The following MFAP3L variants were observed in gnomAD, a reference collection of about 807,000 sequenced individuals.
MFAP3L encodes the protein microfibrillar-associated protein 3-like.
In MFAP3L, 5 loss-of-function variants were observed where a neutral mutation model predicts 20.0. The observed-to-expected ratio is 0.25, with a 90% CI of 0.13 to 0.53. The LOEUF (loss-of-function observed/expected upper bound fraction) is 0.53. MFAP3L is among the 20% of genes least tolerant of loss of function. The pLI is 0.96. For synonymous variants in MFAP3L, 219 were observed against 213.0 expected (o/e 1.03, Z -0.25); for missense variants, 409 against 527.5 (o/e 0.78, Z 2.20).
chr4:169,991,753 C>T lies in MFAP3L; in HGVS notation c.855G>A (p.Glu285=). The T allele has an allele frequency of 6.2e-7, 1 of 1,614,082 alleles. No individual in the cohort carries two copies. The highest frequency in any genetic ancestry group is 1.3e-5 in the African/African-American group (1 of 74,992). The change falls in exon 3 of 3, where the codon GAG becomes GAA. Residue 285 remains glutamate (E), a synonymous_variant. Transcript: ENST00000361618. This position sits in a 1 kb window ranked among gnomAD's most constrained non-coding sequence, Gnocchi z 4.9. ...TCAGAGAGTTGGGGATTGTGTAGACCTCATCCCTGTCTGCGGCCTCCTGGC... is the reference window on the plus strand; with the variant it reads ...TCAGAGAGTTGGGGATTGTGTAGACTTCATCCCTGTCTGCGGCCTCCTGGC... ...PEGQEAADRD[E]VYTIPNSLKR...
chr4:170,018,704 T>A (rs1739848090), intron 1 of MFAP3L, among the ~76,000 whole-genome samples: 1 of 152,200 alleles, frequency 6.6e-6, no homozygotes, highest in Non-Finnish European at 1.5e-5. Context: ...AAAAACAGGT[T>A]ACCTTTGAGA....
intron 2 of MFAP3L, among the ~76,000 whole-genome samples, chr4:169,997,473 A>G (rs1487134123): frequency 2.6e-5 from 4 of 152,276 alleles, no homozygotes; most frequent in Non-Finnish European, 5.9e-5. Flanking sequence ...CAAGCAAGTC[A>G]AGACAAACCC....
intron 2 of MFAP3L, among the ~76,000 whole-genome samples, chr4:170,001,597 A>G (rs1738622139): frequency 6.6e-6 from 1 of 152,240 alleles, no homozygotes; most frequent in Non-Finnish European, 1.5e-5. Context: ...AGTCACAGTA[A>G]GAAGCAACAG....
chr4:170,005,299 A>G (rs1738955366), intron 2 of MFAP3L: 2 of 442,252 alleles, frequency 4.5e-6, no homozygotes, highest in Non-Finnish European at 7.9e-6. Flanking sequence ...TCCATTTTAC[A>G]TTTGTCTCTA....
chr4:170,010,891 A>T (rs1739338403), intron 1 of MFAP3L, among the ~76,000 whole-genome samples: 1 of 152,176 alleles, frequency 6.6e-6, no homozygotes, highest in African/African-American at 2.4e-5. Flanking sequence ...TCTGAATATA[A>T]ACTATGGTGA....
upstream of MFAP3L, chr4:170,026,773 C>CACA (rs1730470417): frequency 5.3e-5 from 8 of 152,288 alleles, no homozygotes; most frequent in African/African-American, 7.2e-5. Flanking sequence ...GCATCGCACG[C>CACA]GTGTTCAAGG....
At position 169,990,292 on chromosome 4, in the gene MFAP3L, C is replaced by T. The variant is rs4692588; in HGVS notation, c.*1086G>A. The T allele has an allele frequency of 0.07, 10,659 of 152,322 alleles. 535 individuals carry two copies. The highest frequency in any genetic ancestry group is 0.11 in the Non-Finnish European group (7,340 of 68,036). 9.4% of individuals were successfully genotyped at this position (152,322 alleles called of 1,614,324 possible). On this transcript the variant is annotated 3_prime_UTR_variant, in exon 3 of 3. Coordinates refer to ENST00000361618, the MANE Select transcript of MFAP3L (RefSeq NM_021647.8). ...TGGCACAGTTCCCTTTGCTATTACC[C>T]TAACCTTTCGCTTTCCTCTTTAAGG...
chr4:169,997,257 C>T (rs1030021654), intron 2 of MFAP3L, among the ~76,000 whole-genome samples: 1 of 151,952 alleles, frequency 6.6e-6, no homozygotes, highest in Non-Finnish European at 1.5e-5. Flanking sequence ...TTTTTATAAC[C>T]TGGAAATAGG....
At chr4:169,994,060 G>C in intron 2 of MFAP3L, 8 of 582,710 alleles carry the variant, frequency 1.4e-5, no homozygotes, top group Non-Finnish European at 1.7e-5. Flanking sequence ...CTTATAATTT[G>C]CATGTCTTAT....
chr4:170,010,311 G>C (rs1739293977), intron 1 of MFAP3L, among the ~76,000 whole-genome samples: 1 of 152,174 alleles, frequency 6.6e-6, no homozygotes, highest in Admixed American at 6.5e-5. Context: ...TAAAAAAAAT[G>C]AGAACAAAAT....
chr4:170,025,926 G>C (rs1204635880), intron 1 of MFAP3L, among the ~76,000 whole-genome samples: 2 of 152,162 alleles, frequency 1.3e-5, no homozygotes, highest in Admixed American at 6.5e-5. Flanking sequence ...CGACACCTAG[G>C]AGGCTCGCCG....
At chr4:170,006,164 G>A (rs1164172883) in intron 1 of MFAP3L, among the ~76,000 whole-genome samples, 154 bp from the exon 2 acceptor site, 4 of 150,348 alleles carry the variant, frequency 2.7e-5, no homozygotes, top group African/African-American at 9.9e-5. Context: ...CCAGGCTAGA[G>A]TGCAGTGGGG....
At chr4:170,026,466 G>A, upstream of MFAP3L, 1 of 203,916 alleles carries the variant, frequency 4.9e-6, no homozygotes, top group Non-Finnish European at 8.6e-6. Context: ...AGTGCGGCTC[G>A]CCGGGCGGCG....
chr4:170,005,692 G>A lies in MFAP3L; in HGVS notation c.186C>T (p.Asn62=), dbSNP rs1242984393. 1 of 1,614,202 alleles carries A rather than the reference G, an allele frequency of 6.2e-7. No individual in the cohort carries two copies. Among genetic ancestry groups the A allele is most frequent in the Admixed American group, 1.7e-5 (1 of 60,028 alleles). ...RTDHIIVKEG[N]SALINCSVYG... ...AAACACTACAGTTAATCAAGGCACT[G>A]TTCCCTTCCTTGACTATGATATGGT... is the stretch of plus-strand genomic sequence containing the variant. Residue 62 remains asparagine, a synonymous_variant, in exon 2 of 3, where the codon AAC becomes AAT. Coordinates refer to ENST00000361618, the MANE Select transcript of MFAP3L (RefSeq NM_021647.8).
chr4:170,006,730 T>C (rs1465024367), intron 1 of MFAP3L: 1 of 152,216 alleles, frequency 6.6e-6, no homozygotes, highest in Non-Finnish European at 1.5e-5. Context: ...TGGTCACAGC[T>C]TGGGCTCTGC....
At chr4:170,010,511 C>T (rs1043103275) in intron 1 of MFAP3L, among the ~76,000 whole-genome samples, 1 of 152,094 alleles carries the variant, frequency 6.6e-6, no homozygotes, top group Non-Finnish European at 1.5e-5. Context: ...GCAAGACCAG[C>T]CCCTCCCCCT....
chr4:170,005,737 G>C lies in MFAP3L; in HGVS notation c.141C>G (p.Pro47=), dbSNP rs940538669. Residue 47 remains proline, a synonymous_variant, in exon 2 of 3, where the codon CCC becomes CCG. Coordinates refer to ENST00000361618, the MANE Select transcript of MFAP3L (RefSeq NM_021647.8). ...TATGGTCAGTTCTGGCAATGATTAC[G>C]GGCACAGAGCCCAAGACCACGTTAG... ...NGTNVVLGSV[P]VIIARTDHII... 6.2e-7 allele frequency: 1 copy of C among 1,614,196 alleles called. No individual in the cohort carries two copies. Among genetic ancestry groups the C allele is most frequent in the Non-Finnish European group, 8.5e-7 (1 of 1,180,028 alleles).
At chr4:169,999,795 T>C (rs1560973901) in intron 2 of MFAP3L, among the ~76,000 whole-genome samples, 1 of 152,218 alleles carries the variant, frequency 6.6e-6, no homozygotes, top group African/African-American at 2.4e-5. Flanking sequence ...ACTGCTTCTA[T>C]GGGATCTACT....
rs1042624597 is a variant in MFAP3L, at chr4:169,988,564, C to T, written c.*2814G>A. 6.6e-6 allele frequency: 1 copy of T among 152,168 alleles called. No individual in the cohort carries two copies. Among genetic ancestry groups the T allele is most frequent in the Non-Finnish European group, 1.5e-5 (1 of 68,024 alleles). 9.4% of individuals were successfully genotyped at this position (152,168 alleles called of 1,614,324 possible). A position where few individuals can be genotyped will look rare whatever the true frequency, so the allele number is the denominator to read the frequency against. ...GTATGCACACACGTTCAGTCACACTCGCATGAATTTCTATGAAGCTGAACA... is the reference window on the plus strand; with the variant it reads ...GTATGCACACACGTTCAGTCACACTTGCATGAATTTCTATGAAGCTGAACA... On this transcript the variant is annotated 3_prime_UTR_variant, in exon 3 of 3. Transcript: ENST00000361618.
Sources: allele counts gnomAD v4.1 joint callset (sites outside exome capture counted in the v4.1 genomes callset), GRCh38; gene constraint gnomAD v4.1.1; non-coding constraint Gnocchi (gnomAD v3.1); transcripts MANE v1.5; gene names NCBI Gene and HGNC (gene_info 2026-07-23, HGNC 2026-07-21).